HCN1: variants seen among roughly 807,000 people sequenced by gnomAD.
The protein encoded by HCN1 is potassium/sodium hyperpolarization-activated cyclic nucleotide-gated channel 1.
A neutral mutation model predicts 78.9 loss-of-function variants in HCN1; 13 were observed. The ratio of observed to expected loss-of-function variants is 0.16; its 90% CI spans 0.11 to 0.26. The LOEUF is 0.26. Ranked by LOEUF, HCN1 falls within the 10% of genes least tolerant of loss-of-function variation. The pLI is 1.00. For missense variants in HCN1, 810 were observed against 1,154.3 expected, an observed-to-expected ratio of 0.70 and a Z score of 4.32; for synonymous variants, 552 against 455.5, an observed-to-expected ratio of 1.21 and a Z score of -2.70.
intron 2 of HCN1, chr5:45,574,864 C>A (rs1743906996): frequency 2.0e-5 from 3 of 152,166 alleles, no homozygotes; most frequent in Non-Finnish European, 2.9e-5. Context: ...ATTCCCTAAG[C>A]CAAGTCCTAA....
intron 4 of HCN1, among the ~76,000 whole-genome samples, chr5:45,368,949 C>T (rs1000812387): frequency 2.0e-5 from 3 of 151,812 alleles, no homozygotes; most frequent in Non-Finnish European, 2.9e-5. Flanking sequence ...TGTTTCCATC[C>T]GTTCCAAAAG....
intron 5 of HCN1, among the ~76,000 whole-genome samples, chr5:45,347,780 A>G (rs1160894498): frequency 6.6e-6 from 1 of 152,194 alleles, no homozygotes; most frequent in Non-Finnish European, 1.5e-5. Context: ...GGAAGATGAA[A>G]TGAATGAAAT....
chr5:45,693,711 G>A (rs1210954969), intron 1 of HCN1, among the ~76,000 whole-genome samples: 1 of 152,088 alleles, frequency 6.6e-6, no homozygotes, highest in Non-Finnish European at 1.5e-5. Flanking sequence ...TTCCTGAAAA[G>A]TGGCCCTATG....
chr5:45,674,422 T>C (rs753443731), intron 1 of HCN1, among the ~76,000 whole-genome samples: 40 of 151,806 alleles, frequency 2.6e-4, no homozygotes, highest in Non-Finnish European at 5.0e-4. Context: ...CTTATACAGA[T>C]CTTCTATCTA....
intron 1 of HCN1, among the ~76,000 whole-genome samples, chr5:45,656,360 C>T (rs957482202): frequency 3.9e-5 from 6 of 152,070 alleles, no homozygotes; most frequent in Non-Finnish European, 8.8e-5. Context: ...TCAATAATGT[C>T]TTATAAAACA....
At chr5:45,645,809 T>C (rs975200805) in intron 1 of HCN1, among the ~76,000 whole-genome samples, 6 of 152,084 alleles carry the variant, frequency 3.9e-5, no homozygotes, top group Non-Finnish European at 8.8e-5. Context: ...CAAGGCATTA[T>C]GATTATGGAA....
At chr5:45,650,071 C>T (rs943284251) in intron 1 of HCN1, among the ~76,000 whole-genome samples, 1 of 152,022 alleles carries the variant, frequency 6.6e-6, no homozygotes, top group African/African-American at 2.4e-5. Flanking sequence ...TCTATTCATC[C>T]TGCCCCAGAG....
intron 2 of HCN1, among the ~76,000 whole-genome samples, chr5:45,620,091 A>C (rs1449944238): frequency 1.3e-5 from 2 of 152,094 alleles, no homozygotes; most frequent in African/African-American, 4.8e-5. Context: ...AATGCAGTCT[A>C]ACCATAAGAA....
At position 45,262,111 on chromosome 5, in the gene HCN1, T is replaced by G; in HGVS notation, c.2483A>C (p.Gln828Pro). 1.2e-6 allele frequency: 2 copies of G among 1,612,654 alleles called. No individual in the cohort carries two copies. The highest frequency in any genetic ancestry group is 1.7e-6 in the Non-Finnish European group (2 of 1,179,064). Reference protein sequence around the residue: ...PVTAVPGTGLQAGGRSTVPQR... With the variant: ...PVTAVPGTGLPAGGRSTVPQR... ...CGGGACAGTGCTCCTGCCCCCTGCC[T>G]GAAGGCCCGTTCCGGGGACCGCCGT... Residue 828 changes from glutamine to proline, a missense_variant, in exon 8 of 8, where the codon CAG becomes CCG. Coordinates refer to ENST00000303230, the MANE Select transcript of HCN1 (RefSeq NM_021072.4).
At chr5:45,563,592 G>A (rs1472642227) in intron 2 of HCN1, among the ~76,000 whole-genome samples, 1 of 151,962 alleles carries the variant, frequency 6.6e-6, no homozygotes, top group Non-Finnish European at 1.5e-5. Flanking sequence ...TACACTGAGA[G>A]GAAACAGTGT....
intron 3 of HCN1, among the ~76,000 whole-genome samples, chr5:45,413,186 A>T (rs1428843774): frequency 6.6e-6 from 1 of 152,112 alleles, no homozygotes; most frequent in East Asian, 1.9e-4. Flanking sequence ...AGTAGGAAAT[A>T]GCTAACTCAC....
At position 45,267,225 on chromosome 5, in the gene HCN1, A is replaced by T; in HGVS notation, c.1647T>A (p.Arg549=). 1 of 1,614,108 alleles carries T rather than the reference A, an allele frequency of 6.2e-7. No homozygotes were observed. The highest frequency in any genetic ancestry group is 1.1e-5 in the South Asian group (1 of 91,080). ...ATGTATCAGCTCGAACACTGGCAGT[A>T]CGACGTCCTTTGGTCAGCAGGCAAA... ...GEICLLTKGR[R]TASVRADTYC... is the part of the protein sequence containing the mutation. Residue 549 remains arginine, a synonymous_variant, in exon 7 of 8, where the codon CGT becomes CGA. Coordinates refer to ENST00000303230, the MANE Select transcript of HCN1 (RefSeq NM_021072.4).
intron 5 of HCN1, among the ~76,000 whole-genome samples, chr5:45,341,530 T>C (rs1484293290): frequency 5.3e-5 from 8 of 152,174 alleles, no homozygotes; most frequent in Admixed American, 5.2e-4. Context: ...TTTGCAAGTA[T>C]GATCTTGAAG....
chr5:45,537,556 T>C (rs1742993831), intron 2 of HCN1, among the ~76,000 whole-genome samples: 1 of 135,614 alleles, frequency 7.4e-6, no homozygotes, highest in African/African-American at 3.1e-5. Flanking sequence ...TTTTTTTTTT[T>C]GAGACAGAGT....
intron 2 of HCN1, among the ~76,000 whole-genome samples, chr5:45,488,632 T>C (rs1741818500): frequency 6.6e-6 from 1 of 152,122 alleles, no homozygotes; most frequent in Non-Finnish European, 1.5e-5. Flanking sequence ...TCTTGCAAAC[T>C]GGCTATAGTA....
rs190822453 is a variant in HCN1 at position 45,670,099 on chromosome 5, T to C, written c.426-24491A>G. On this transcript the variant is annotated intron_variant, in intron 1 of 7. Coordinates refer to ENST00000303230, the MANE Select transcript of HCN1 (RefSeq NM_021072.4). ...AGTAAAAATGTGGAAAATGTAGTCA[T>C]AGATGAAGAGAAAAAATTATACATT... 1.1e-4 allele frequency among the ~76,000 whole-genome samples: 17 copies of C among 151,716 alleles called. No individual in the cohort carries two copies. In the East Asian group the frequency reaches 3.3e-3, roughly 29 times the overall value.
rs199720228 is a variant in HCN1, at chr5:45,503,765, C to T, written c.850-41758G>A. Among the ~76,000 whole-genome samples the T allele has an allele frequency of 2.9e-4, 43 of 149,416 alleles. No individual in the cohort carries two copies. The East Asian group carries it at 6.0e-3, about 21-fold the overall frequency. ...AAATTATTATTCCCCCCTCCCCCCA[C>T]GCCAACACAAATTCCCTCCACCCCC... On this transcript the variant is annotated intron_variant, in intron 2 of 7. Coordinates refer to ENST00000303230, the MANE Select transcript of HCN1 (RefSeq NM_021072.4).
At chr5:45,380,799 T>A (rs1747793582) in intron 4 of HCN1, among the ~76,000 whole-genome samples, 1 of 152,120 alleles carries the variant, frequency 6.6e-6, no homozygotes, top group African/African-American at 2.4e-5. Flanking sequence ...CGTTTTATTA[T>A]TTACAAGATG....
chr5:45,460,602 G>A (rs1741126015), intron 3 of HCN1, among the ~76,000 whole-genome samples: 1 of 151,946 alleles, frequency 6.6e-6, no homozygotes, highest in Non-Finnish European at 1.5e-5. Context: ...AGAGCTCTTT[G>A]TGATTTAGTG....
Sources: allele counts gnomAD v4.1 joint callset (sites outside exome capture counted in the v4.1 genomes callset), GRCh38; gene constraint gnomAD v4.1.1; transcripts MANE v1.5; gene names NCBI Gene and HGNC (gene_info 2026-07-23, HGNC 2026-07-21).